ZBTB38: variants seen among roughly 807,000 people sequenced by gnomAD.
The protein encoded by ZBTB38 is zinc finger and BTB domain containing 38, also known as zinc finger and BTB domain-containing protein 38.
In ZBTB38, 20 loss-of-function variants were observed where a neutral mutation model predicts 76.8. The observed-to-expected ratio is 0.26, with a 90% CI of 0.18 to 0.38. ZBTB38 has a LOEUF of 0.38. Ranked by LOEUF, ZBTB38 falls within the 10% of genes least tolerant of loss-of-function variation. ZBTB38 has a pLI of 1.00. For synonymous variants in ZBTB38, 504 were observed against 544.2 expected, an observed-to-expected ratio of 0.93 and a Z score of 1.03; for missense variants, 1,082 against 1,482.3, an observed-to-expected ratio of 0.73 and a Z score of 4.43.
At chr3:141,391,663 A>C (rs963011684) in intron 4 of ZBTB38, among the ~76,000 whole-genome samples, 3 of 152,232 alleles carry the variant, frequency 2.0e-5, no homozygotes, top group Admixed American at 6.5e-5. Context: ...AGAGTAGAGA[A>C]ATTTCTGAGA....
At chr3:141,382,322 T>C (rs1033336552) in intron 3 of ZBTB38, among the ~76,000 whole-genome samples, 3 of 152,228 alleles carry the variant, frequency 2.0e-5, no homozygotes, top group Non-Finnish European at 2.9e-5. Context: ...AACAACCTGA[T>C]AACAAATTTA....
At chr3:141,393,989 CTTTT>C (rs995655069) in intron 4 of ZBTB38, among the ~76,000 whole-genome samples, 1 of 147,152 alleles carries the variant, frequency 6.8e-6, no homozygotes, top group Non-Finnish European at 1.5e-5. Context: ...CTTTCCATTT[CTTTT>C]TTTTTTCTTT....
At position 141,442,693 on chromosome 3, in the gene ZBTB38, A is replaced by C. The variant is rs758084205; in HGVS notation, c.305A>C (p.Glu102Ala). The change falls in exon 6 of 6, where the codon GAA (glutamate) becomes GCA (alanine). Residue 102 changes from glutamate to alanine, a missense_variant. By Grantham distance (107) the Glu-to-Ala change is moderately radical. Coordinates refer to ENST00000321464, the MANE Select transcript of ZBTB38 (RefSeq NM_001376113.1). This position sits in a 1 kb window ranked among gnomAD's most constrained non-coding sequence, Gnocchi z 6.4. ...YSSTVVVKRQ[E>A]TVTDLAAAGK... ...TCCACAGTCGTTGTCAAGAGACAGG[A>C]AACAGTCACTGATCTCGCAGCTGCA... is the stretch of plus-strand genomic sequence containing the variant. 3 of 1,614,240 alleles carry C rather than the reference A, an allele frequency of 1.9e-6. No individual in the cohort carries two copies. Among genetic ancestry groups the C allele is most frequent in the South Asian group, 2.2e-5 (2 of 91,080 alleles).
chr3:141,414,897 C>A (rs1413739486), intron 5 of ZBTB38, among the ~76,000 whole-genome samples: 1 of 152,032 alleles, frequency 6.6e-6, no homozygotes, highest in African/African-American at 2.4e-5. Context: ...CTTTATTGAC[C>A]TTCCACACAC....
intron 5 of ZBTB38, among the ~76,000 whole-genome samples, chr3:141,432,533 CCT>C (rs1158456752): frequency 1.3e-5 from 2 of 152,174 alleles, no homozygotes; most frequent in African/African-American, 2.4e-5. Context: ...ACTTAACTCT[CCT>C]CTCTGTAATG....
At chr3:141,384,077 A>G (rs546028834) in intron 3 of ZBTB38, among the ~76,000 whole-genome samples, 59 of 152,376 alleles carry the variant, frequency 3.9e-4, no homozygotes, top group Non-Finnish European at 6.5e-4. Flanking sequence ...ATTTTCAACT[A>G]TAGTTCACAT....
intron 5 of ZBTB38, among the ~76,000 whole-genome samples, chr3:141,431,470 C>T (rs1402900022): frequency 6.6e-6 from 1 of 151,422 alleles, no homozygotes; most frequent in Non-Finnish European, 1.5e-5. Flanking sequence ...CTTAAGCAAG[C>T]AGGTGCCCAG....
chr3:141,352,344 C>G (rs1267134648), intron 1 of ZBTB38, among the ~76,000 whole-genome samples: 2 of 151,936 alleles, frequency 1.3e-5, no homozygotes, highest in African/African-American at 2.4e-5. Flanking sequence ...ATGTCTGTGT[C>G]CTCAAGGTAT....
rs559096917 is a variant in ZBTB38, at chr3:141,424,529, T to A, written c.1-17860T>A. 7.9e-5 allele frequency among the ~76,000 whole-genome samples: 12 copies of A among 152,032 alleles called. No homozygotes were observed. The South Asian group carries it at 2.3e-3, about 29-fold the overall frequency. On this transcript the variant is annotated intron_variant, in intron 5 of 5. Coordinates refer to ENST00000321464, the MANE Select transcript of ZBTB38 (RefSeq NM_001376113.1). Reference sequence around the variant, plus strand: ...AGTGAGACCCTGTCAGTAAAAAAAATAAAAATAAAAAATAATAATTCCTTT... The same window carrying A: ...AGTGAGACCCTGTCAGTAAAAAAAAAAAAAATAAAAAATAATAATTCCTTT...
intron 1 of ZBTB38, among the ~76,000 whole-genome samples, chr3:141,357,996 C>T (rs993568813): frequency 3.3e-5 from 5 of 152,132 alleles, no homozygotes; most frequent in African/African-American, 1.2e-4. Context: ...AAAGATCATA[C>T]ACTCTAGTGG....
At chr3:141,428,591 G>A (rs1260200717) in intron 5 of ZBTB38, among the ~76,000 whole-genome samples, 1 of 152,100 alleles carries the variant, frequency 6.6e-6, no homozygotes, top group African/African-American at 2.4e-5. Context: ...GGGTTCAAGC[G>A]ATTCTCCTGT....
intron 1 of ZBTB38, among the ~76,000 whole-genome samples, chr3:141,359,401 T>C (rs1943756320): frequency 6.6e-6 from 1 of 152,126 alleles, no homozygotes; most frequent in South Asian, 2.1e-4. Flanking sequence ...AGTTGCGAGG[T>C]AGGCTGAGCA....
rs759947667 is a variant in ZBTB38 at position 141,445,913 on chromosome 3, T to C, written c.3525T>C (p.Ile1175=). 1 of 1,607,146 alleles carries C rather than the reference T, an allele frequency of 6.2e-7. No homozygotes were observed. Among genetic ancestry groups the C allele is most frequent in the Non-Finnish European group, 8.5e-7 (1 of 1,179,998 alleles). Residue 1175 remains isoleucine (I), a synonymous_variant, in exon 6 of 6, where the codon ATT becomes ATC. Coordinates refer to ENST00000321464, the MANE Select transcript of ZBTB38 (RefSeq NM_001376113.1). The surrounding 1 kb of genome is among the most constrained non-coding windows in gnomAD (Gnocchi z 6.5). ...ATCCCTTGGAGAATCAACATTTCAT[T>C]GGTTCAGAAGACAATGACCAAAAGG... The part of the protein sequence containing the change: ...NSNPLENQHF[I]GSEDNDQKDN...
rs377150663 is a variant in ZBTB38, at chr3:141,433,181, G to A, written c.1-9208G>A. Among the ~76,000 whole-genome samples, 613 of 152,068 alleles carry A rather than the reference G, an allele frequency of 4.0e-3. 3 individuals are homozygous for A. Among genetic ancestry groups the A allele is most frequent in the African/African-American group, 0.014 (592 of 41,512 alleles). Reference sequence around the variant, plus strand: ...TGTCTCCTGAGGATTTCTGCTTTGTGTTTCATCACATTTTTATTCACTGTC... The same window carrying A: ...TGTCTCCTGAGGATTTCTGCTTTGTATTTCATCACATTTTTATTCACTGTC... On this transcript the variant is annotated intron_variant, in intron 5 of 5. Coordinates refer to ENST00000321464, the MANE Select transcript of ZBTB38 (RefSeq NM_001376113.1).
At chr3:141,338,201 A>G (rs1050751921) in intron 1 of ZBTB38, among the ~76,000 whole-genome samples, 1 of 152,212 alleles carries the variant, frequency 6.6e-6, no homozygotes, top group Non-Finnish European at 1.5e-5. Context: ...GGGAGTGTAA[A>G]CTAGTTCATC....
intron 3 of ZBTB38, among the ~76,000 whole-genome samples, chr3:141,383,495 A>T (rs1946491913): frequency 6.6e-6 from 1 of 152,230 alleles, no homozygotes; most frequent in Non-Finnish European, 1.5e-5. Flanking sequence ...AATGTGGTGA[A>T]TGGCATAAAG....
At chr3:141,387,251 C>G (rs992387942) in intron 4 of ZBTB38, 2 of 146,672 alleles carry the variant, frequency 1.4e-5, no homozygotes, top group African/African-American at 5.0e-5. Flanking sequence ...ATGATTTTAC[C>G]TTTTTTTTTT....
chr3:141,346,782 T>TTTTTTTTGTGTGTGTGTG (rs150173767), intron 1 of ZBTB38, among the ~76,000 whole-genome samples: 2 of 144,562 alleles, frequency 1.4e-5, no homozygotes, highest in African/African-American at 2.6e-5. Context: ...TTGTTTTGTT[T>TTTTTTTTGTGTGTGTGTG]TGTGTGTGTG....
intron 1 of ZBTB38, among the ~76,000 whole-genome samples, chr3:141,325,895 C>A (rs1353447632): frequency 1.3e-5 from 2 of 152,110 alleles, no homozygotes; most frequent in African/African-American, 4.8e-5. Flanking sequence ...AAGGTTTTAC[C>A]TGTGCGATCA....
Sources: gnomAD v4.1 joint callset for allele counts (sites outside exome capture counted in the v4.1 genomes callset) on GRCh38, gnomAD v4.1.1 for gene constraint, Gnocchi (gnomAD v3.1) non-coding constraint, MANE v1.5 for transcripts, NCBI Gene and HGNC (gene_info 2026-07-23, HGNC 2026-07-21) for gene names.